Variants in KRABD3 observed in about 807,000 individuals in gnomAD.
KRABD3 encodes the protein KRAB domain-containing protein 3.
chr7:149,729,006 G>C, the KRABD3 span, among the ~76,000 whole-genome samples: 15 of 152,222 alleles, frequency 9.9e-5, no homozygotes, highest in Non-Finnish European at 4.4e-5. Context: ...AGCTGGGTCT[G>C]GGAATAGAGA....
At chr7:149,733,319 C>T in the KRABD3 span, 8 of 1,612,518 alleles carry the variant, frequency 5.0e-6, no homozygotes, top group Admixed American at 1.7e-5. Flanking sequence ...AGCCTCCTCC[C>T]TGCAGCCGCC....
chr7:149,715,238 G>GCTCT, the KRABD3 span: 1 of 1,217,184 alleles, frequency 8.2e-7, no homozygotes, highest in Admixed American at 4.3e-5. Flanking sequence ...CCTCTCTCCA[G>GCTCT]CTCTCCGCCG....
the KRABD3 span, chr7:149,721,016 CGCA>C: frequency 1.2e-6 from 2 of 1,610,972 alleles, no homozygotes; most frequent in Non-Finnish European, 1.7e-6. Context: ...GGGCAGTGCA[CGCA>C]GCCTCCTCTG....
At chr7:149,727,103 G>A in the KRABD3 span, among the ~76,000 whole-genome samples, 1 of 152,174 alleles carries the variant, frequency 6.6e-6, no homozygotes, top group African/African-American at 2.4e-5. Context: ...CAGACTTGGG[G>A]ATCTTGCAGG....
At chr7:149,723,083 C>A in the KRABD3 span, 1 of 793,162 alleles carries the variant, frequency 1.3e-6, no homozygotes, top group Non-Finnish European at 1.9e-6. Flanking sequence ...TTGCCAGTGT[C>A]ACCTTTCTGG....
At chr7:149,715,265 A>G in the KRABD3 span, 1 of 1,220,412 alleles carries the variant, frequency 8.2e-7, no homozygotes. Context: ...CCCACGGCCC[A>G]GTCTCCACCT....
At chr7:149,728,712 GC>G in the KRABD3 span, 20 of 1,605,124 alleles carry the variant, frequency 1.2e-5, no homozygotes, top group Admixed American at 2.4e-4. Context: ...TGTAGACAGG[GC>G]TGCTCTGAGG....
At chr7:149,723,933 C>T in the KRABD3 span, 17 of 1,602,442 alleles carry the variant, frequency 1.1e-5, no homozygotes, top group Admixed American at 1.7e-5. Flanking sequence ...AGACATCCTA[C>T]ATTACCCTGC....
chr7:149,720,174 CT>C, the KRABD3 span: 1 of 1,548,030 alleles, frequency 6.5e-7, no homozygotes, highest in Non-Finnish European at 8.7e-7. Context: ...CTCATCGGTC[CT>C]CAGCCCCAGG....
chr7:149,729,929 C>T, the KRABD3 span: 1 of 1,273,276 alleles, frequency 7.9e-7, no homozygotes, highest in Non-Finnish European at 9.9e-7. Flanking sequence ...AGAAAGTTCC[C>T]CAGCAGACTT....
chr7:149,733,405 C>T, the KRABD3 span: 208 of 1,606,130 alleles, frequency 1.3e-4, no homozygotes, highest in Non-Finnish European at 1.5e-4. Context: ...TGGATCGGCT[C>T]GCCACAGCGC....
the KRABD3 span, among the ~76,000 whole-genome samples, chr7:149,718,371 C>T: frequency 6.6e-6 from 1 of 152,112 alleles, no homozygotes; most frequent in Non-Finnish European, 1.5e-5. Flanking sequence ...ACATTCATTT[C>T]TCAACAGGAA....
the KRABD3 span, chr7:149,719,512 G>C: frequency 6.5e-7 from 1 of 1,532,804 alleles, no homozygotes; most frequent in Non-Finnish European, 8.7e-7. The surrounding 1 kb of genome is among the most constrained non-coding windows in gnomAD (Gnocchi z 5.6). Context: ...CTCTGGGATG[G>C]AACAACCAAC....
At chr7:149,731,236 A>C in the KRABD3 span, among the ~76,000 whole-genome samples, 12 of 151,954 alleles carry the variant, frequency 7.9e-5, no homozygotes, top group African/African-American at 2.7e-4. Context: ...GCTCTCCCCA[A>C]CTCCTGCAGC....
chr7:149,718,936 T>C, the KRABD3 span, among the ~76,000 whole-genome samples: 1 of 152,226 alleles, frequency 6.6e-6, no homozygotes. Flanking sequence ...AGGAGCCTGG[T>C]GACCCAAAGC....
chr7:149,732,536 G>T, the KRABD3 span, among the ~76,000 whole-genome samples: 2 of 152,160 alleles, frequency 1.3e-5, no homozygotes, highest in African/African-American at 2.4e-5. The surrounding 1 kb of genome is among the most constrained non-coding windows in gnomAD (Gnocchi z 4.0). Context: ...GCAGGTGCCT[G>T]GCCAAGCCTT....
At chr7:149,733,663 C>G in the KRABD3 span, 1 of 1,588,344 alleles carries the variant, frequency 6.3e-7, no homozygotes, top group Middle Eastern at 1.7e-4. Context: ...TGCAAGGACT[C>G]TCCAGAGGGA....
the KRABD3 span, chr7:149,728,431 C>A: frequency 4.0e-5 from 58 of 1,437,194 alleles, no homozygotes; most frequent in East Asian, 1.2e-3. Context: ...TGTGACCCCC[C>A]TTCCCTGGAC....
At chr7:149,729,246 C>T in the KRABD3 span, 3 of 1,601,754 alleles carry the variant, frequency 1.9e-6, no homozygotes, top group Non-Finnish European at 2.6e-6. Context: ...GAGAAGCGCC[C>T]ACCCGGAGCC....
Sources: allele counts gnomAD v4.1 joint callset (sites outside exome capture counted in the v4.1 genomes callset), GRCh38; gene constraint gnomAD v4.1.1; non-coding constraint Gnocchi (gnomAD v3.1); transcripts MANE v1.5; gene names NCBI Gene and HGNC (gene_info 2026-07-23, HGNC 2026-07-21).